ACAD11: variants seen among roughly 807,000 people sequenced by gnomAD.
ACAD11 encodes acyl-Coenzyme A dehydrogenase family, member 11.
ACAD11 carries 83 observed loss-of-function variants against 102.2 expected under a neutral mutation model. That is an observed-to-expected ratio of 0.81 (90% confidence interval 0.68 to 0.97). ACAD11 has a LOEUF of 0.97. Ranked by LOEUF, ACAD11 falls within the 50% of genes least tolerant of loss-of-function variation. The probability of loss-of-function intolerance (pLI) is 0.00; values close to 1 mark genes in which losing one functional copy is unlikely to be tolerated. For synonymous variants in ACAD11, 324 were observed against 319.8 expected (o/e 1.01, Z -0.14); for missense variants, 901 against 951.7 (o/e 0.95, Z 0.70).
At chr3:132,652,214 T>C (rs761825298) in intron 1 of ACAD11, among the ~76,000 whole-genome samples, 12 of 152,204 alleles carry the variant, frequency 7.9e-5, no homozygotes, top group Non-Finnish European at 1.5e-4. Flanking sequence ...ATAAGTCTCA[T>C]GAGATCTGAT....
intron 9 of ACAD11, among the ~76,000 whole-genome samples, chr3:132,624,607 A>AT (rs1340401200): frequency 6.7e-5 from 10 of 148,680 alleles, no homozygotes; most frequent in Non-Finnish European, 1.3e-4. Flanking sequence ...TCCATTAAAA[A>AT]AAAAAAGCCA....
intron 1 of ACAD11, chr3:132,646,381 G>C (rs937999161): frequency 6.6e-6 from 1 of 152,190 alleles, no homozygotes; most frequent in East Asian, 1.9e-4. Flanking sequence ...TTACAGGCGT[G>C]AGCCATCACG....
intron 5 of ACAD11, among the ~76,000 whole-genome samples, chr3:132,634,359 C>G (rs1051560998): frequency 6.6e-6 from 1 of 152,102 alleles, no homozygotes; most frequent in African/African-American, 2.4e-5. Context: ...CAGTGAGATA[C>G]CATCTCACAC....
chr3:132,655,919 A>G (rs1001170387), intron 1 of ACAD11, among the ~76,000 whole-genome samples: 1 of 152,260 alleles, frequency 6.6e-6, no homozygotes, highest in African/African-American at 2.4e-5. Flanking sequence ...AAATTTTAAA[A>G]GTAAATCTTG....
At position 132,618,655 on chromosome 3, in the gene ACAD11, C is replaced by T. The variant is rs1939500849; in HGVS notation, c.1393G>A (p.Val465Ile). ...ETGKCFFAPD[V>I]FNCQAPDTGN... is the part of the protein sequence containing the mutation. The stretch of plus-strand genomic sequence containing the variant: ...TAACCTGGTGCTTGGCAGTTAAAGA[C>T]ATCTGGAGCAAAAAAGCATTTTCCT... Residue 465 changes from valine (V) to isoleucine (I), a missense_variant, in exon 11 of 20, where the codon GTC (valine) becomes ATC (isoleucine). Transcript: ENST00000264990. 6.2e-7 allele frequency: 1 copy of T among 1,604,538 alleles called. No individual in the cohort carries two copies. The highest frequency in any genetic ancestry group is 8.5e-7 in the Non-Finnish European group (1 of 1,176,290).
At chr3:132,609,009 A>G (rs188321069) in intron 11 of ACAD11, among the ~76,000 whole-genome samples, 3 of 152,348 alleles carry the variant, frequency 2.0e-5, no homozygotes, top group Admixed American at 1.3e-4. Flanking sequence ...GCACATCTAT[A>G]TGATAACTGA....
intron 13 of ACAD11, among the ~76,000 whole-genome samples, chr3:132,596,999 CCTT>C (rs755021633): frequency 7.9e-5 from 12 of 152,148 alleles, no homozygotes; most frequent in Non-Finnish European, 1.6e-4. Context: ...GGTGGATTCT[CCTT>C]CTGGTTCAGC....
chr3:132,615,406 CA>C (rs1017911374), intron 11 of ACAD11, among the ~76,000 whole-genome samples: 12 of 152,268 alleles, frequency 7.9e-5, no homozygotes, highest in African/African-American at 2.4e-4. Flanking sequence ...TTCACAATAG[CA>C]AAGACTTGGA....
At chr3:132,624,426 G>A (rs1939729231) in intron 9 of ACAD11, among the ~76,000 whole-genome samples, 1 of 151,498 alleles carries the variant, frequency 6.6e-6, no homozygotes, top group South Asian at 2.1e-4. Flanking sequence ...CCAATATGGT[G>A]AAACTCCATC....
At chr3:132,652,179 T>C (rs1940953196) in intron 1 of ACAD11, among the ~76,000 whole-genome samples, 1 of 152,160 alleles carries the variant, frequency 6.6e-6, no homozygotes, top group African/African-American at 2.4e-5. Context: ...AGTGGGTCTT[T>C]CCTGTGCTGT....
At chr3:132,619,717 C>A (rs1939540984) in intron 9 of ACAD11, among the ~76,000 whole-genome samples, 172 bp from the exon 10 acceptor site, 1 of 152,124 alleles carries the variant, frequency 6.6e-6, no homozygotes, top group African/African-American at 2.4e-5. Flanking sequence ...ATCACAAAAT[C>A]ATGCTGCCAC....
chr3:132,601,504 CAAAT>C, intron 13 of ACAD11: 1 of 802,676 alleles, frequency 1.2e-6, no homozygotes, highest in Admixed American at 2.6e-5. Context: ...GCTTTCCCCT[CAAAT>C]AAAACATCTG....
chr3:132,600,500 G>A (rs1179963124), intron 13 of ACAD11: 4 of 1,613,880 alleles, frequency 2.5e-6, no homozygotes, highest in Non-Finnish European at 3.4e-6. Context: ...TATCAAAGAA[G>A]ATGTCAGAGA....
intron 10 of ACAD11, chr3:132,619,051 T>A (rs1302555598): frequency 2.9e-6 from 1 of 339,294 alleles, no homozygotes; most frequent in Non-Finnish European, 5.2e-6. Context: ...GAATCAGAAC[T>A]ATTACAAAAT....
At chr3:132,630,993 C>G (rs1177272739) in intron 6 of ACAD11, among the ~76,000 whole-genome samples, 1 of 152,062 alleles carries the variant, frequency 6.6e-6, no homozygotes, top group Non-Finnish European at 1.5e-5. Context: ...ATCACTTGAG[C>G]CCAGGAGTTC....
chr3:132,633,927 C>CA (rs1940159333), intron 5 of ACAD11, among the ~76,000 whole-genome samples: 1 of 151,810 alleles, frequency 6.6e-6, no homozygotes, highest in Non-Finnish European at 1.5e-5. Flanking sequence ...TAAAGACTTA[C>CA]ATGTTAGACC....
At chr3:132,584,860 GA>G (rs1382131702) in intron 13 of ACAD11, among the ~76,000 whole-genome samples, 1 of 152,178 alleles carries the variant, frequency 6.6e-6, no homozygotes, top group Non-Finnish European at 1.5e-5. Context: ...CAAACAAATG[GA>G]AGAACATTCT....
intron 2 of ACAD11, among the ~76,000 whole-genome samples, chr3:132,644,355 T>A (rs1940639985): frequency 6.6e-6 from 1 of 152,186 alleles, no homozygotes; most frequent in Non-Finnish European, 1.5e-5. Context: ...GAGAGTACTA[T>A]AAAATACTTA....
chr3:132,622,321 A>G (rs1576598143), intron 9 of ACAD11, among the ~76,000 whole-genome samples: 1 of 152,192 alleles, frequency 6.6e-6, no homozygotes, highest in Non-Finnish European at 1.5e-5. Context: ...AGGCACCAGG[A>G]TGAACAGCCC....
Sources: allele counts gnomAD v4.1 joint callset (sites outside exome capture counted in the v4.1 genomes callset), GRCh38; gene constraint gnomAD v4.1.1; transcripts MANE v1.5; gene names NCBI Gene and HGNC (gene_info 2026-07-23, HGNC 2026-07-21).